RPH3AL: variants seen among roughly 807,000 people sequenced by gnomAD.
The protein encoded by RPH3AL is rabphilin 3A like (without C2 domains), also known as rab effector Noc2.
RPH3AL carries 38 observed loss-of-function variants against 43.1 expected under a neutral mutation model. The ratio of observed to expected loss-of-function variants is 0.88; its 90% CI spans 0.68 to 1.15. The LOEUF (loss-of-function observed/expected upper bound fraction) is 1.15. Ranked by LOEUF, RPH3AL falls within the 50% of genes most tolerant of loss-of-function variation. RPH3AL has a pLI of 0.00. For synonymous variants in RPH3AL, 189 were observed against 176.3 expected (o/e 1.07, Z -0.57); for missense variants, 462 against 423.2 (o/e 1.09, Z -0.81).
rs1309506001 is a variant in RPH3AL, at chr17:264,354, G to A, written c.439-17069C>T. On this transcript the variant is annotated intron_variant, in intron 6 of 9. Transcript: ENST00000331302. This position sits in a 1 kb window ranked among gnomAD's most constrained non-coding sequence, Gnocchi z 4.8. ...CCTTCGGAGCCGTGCGCGCTGGATG[G>A]GGACTCAGAATCCGCAGCACGTTGA... is the stretch of plus-strand genomic sequence containing the variant. Among the ~76,000 whole-genome samples the A allele has an allele frequency of 1.2e-4, 10 of 83,102 alleles. No homozygotes were observed. Among genetic ancestry groups the A allele is most frequent in the African/African-American group, 4.6e-4 (10 of 21,602 alleles). The allele number at this position is 83,102 out of a possible 152,430, so 54.5% of individuals were successfully genotyped here.
chr17:315,730 C>T (rs1433405699), intron 5 of RPH3AL, among the ~76,000 whole-genome samples: 3 of 150,432 alleles, frequency 2.0e-5, no homozygotes, highest in Non-Finnish European at 4.4e-5. Context: ...CCTCTATTGA[C>T]CCGTAGTCTC....
intron 5 of RPH3AL, among the ~76,000 whole-genome samples, chr17:316,971 C>A (rs553450826): frequency 6.1e-3 from 806 of 131,312 alleles, no homozygotes; most frequent in Admixed American, 0.01. Context: ...ACACCCACCT[C>A]CATTGACCTG....
chr17:329,178 T>G (rs993553347), intron 2 of RPH3AL, among the ~76,000 whole-genome samples: 2 of 152,070 alleles, frequency 1.3e-5, no homozygotes, highest in African/African-American at 2.4e-5. Flanking sequence ...AAATGAATTA[T>G]AACTCATTCA....
chr17:317,590 G>T (rs1367023376), intron 5 of RPH3AL, among the ~76,000 whole-genome samples: 1 of 152,006 alleles, frequency 6.6e-6, no homozygotes, highest in African/African-American at 2.4e-5. Context: ...AAGGCTGAAG[G>T]AGGAGCCCGC....
Position 289,217 on chromosome 17 carries a change from T to A in RPH3AL, c.352-7363A>T, listed in dbSNP as rs1017236438. On this transcript the variant is annotated intron_variant, in intron 5 of 9. Coordinates refer to ENST00000331302, the MANE Select transcript of RPH3AL (RefSeq NM_006987.4). The surrounding 1 kb of genome is among the most constrained non-coding windows in gnomAD (Gnocchi z 5.2). ...CAGATGAGGGGATCAAGGGAGACGG[T>A]CATGAAAGTGCTCAGCACCATAAAA... Among the ~76,000 whole-genome samples, 3 of 152,034 alleles carry A rather than the reference T, an allele frequency of 2.0e-5. No homozygotes were observed. The highest frequency in any genetic ancestry group is 6.6e-5 in the Admixed American group (1 of 15,264).
chr17:241,098 A>AATAATCATC (rs763128192), intron 7 of RPH3AL, among the ~76,000 whole-genome samples: 18 of 94,400 alleles, frequency 1.9e-4, no homozygotes, highest in South Asian at 3.7e-4. Flanking sequence ...TAATAATAAT[A>AATAATCATC]ATCTTGTTGG....
intron 5 of RPH3AL, among the ~76,000 whole-genome samples, chr17:315,017 A>G (rs2043889764): frequency 1.4e-5 from 2 of 144,964 alleles, no homozygotes; most frequent in African/African-American, 5.5e-5. Flanking sequence ...TCTGTGCTCC[A>G]CCTCCATTGA....
At chr17:301,859 A>G in intron 5 of RPH3AL, among the ~76,000 whole-genome samples, 1 of 152,138 alleles carries the variant, frequency 6.6e-6, no homozygotes, top group Non-Finnish European at 1.5e-5. Flanking sequence ...CATCCCTCTG[A>G]GCGTCAGTGT....
chr17:319,319 G>A (rs147376780), intron 5 of RPH3AL, 101 bp downstream of exon 5: 100 of 1,392,710 alleles, frequency 7.2e-5, no homozygotes, highest in Non-Finnish European at 8.6e-5. Flanking sequence ...CATGCCCAAC[G>A]CAGACATACA....
chr17:261,183 C>T (rs372969749), intron 6 of RPH3AL, among the ~76,000 whole-genome samples: 32 of 152,182 alleles, frequency 2.1e-4, no homozygotes, highest in African/African-American at 7.0e-4. Context: ...ACAGGCTCCT[C>T]GAGGGTGCTG....
At chr17:318,872 T>C (rs2151695711) in intron 5 of RPH3AL, among the ~76,000 whole-genome samples, 1 of 152,348 alleles carries the variant, frequency 6.6e-6, no homozygotes, top group African/African-American at 2.4e-5. Flanking sequence ...ACAGAAAGTG[T>C]AATCCCAGCA....
chr17:229,764 G>T (rs994706723), intron 7 of RPH3AL, among the ~76,000 whole-genome samples: 1 of 152,126 alleles, frequency 6.6e-6, no homozygotes, highest in Non-Finnish European at 1.5e-5. Flanking sequence ...CCGGGCCAGG[G>T]TGCAGGGTTG....
rs1211155217 is a variant in RPH3AL, at chr17:289,492, A to AC, written c.352-7639dup. 2.0e-5 allele frequency among the ~76,000 whole-genome samples: 3 copies of AC among 151,604 alleles called. No homozygotes were observed. The East Asian group carries it at 5.8e-4, about 29-fold the overall frequency. On this transcript the variant is annotated intron_variant, in intron 5 of 9. Transcript: ENST00000331302. This position sits in a 1 kb window ranked among gnomAD's most constrained non-coding sequence, Gnocchi z 5.2. ...CCAAGGCCGCCCAGCAGATCTCTCT[A>AC]CCCCACCGCGCTGTCCTCCAGCTGG...
intron 7 of RPH3AL, among the ~76,000 whole-genome samples, chr17:224,865 C>T (rs1027530438): frequency 6.8e-6 from 1 of 146,966 alleles, no homozygotes; most frequent in African/African-American, 2.5e-5. Context: ...ATCGCAAAGA[C>T]AAAAAACCAA....
chr17:298,883 C>T (rs1007368215), intron 5 of RPH3AL, among the ~76,000 whole-genome samples: 2 of 152,058 alleles, frequency 1.3e-5, no homozygotes, highest in African/African-American at 4.8e-5. Flanking sequence ...AGGAGGGGGA[C>T]GGCAGGTCGG....
intron 6 of RPH3AL, among the ~76,000 whole-genome samples, chr17:280,586 T>C (rs1013920520): frequency 6.6e-6 from 1 of 152,128 alleles, no homozygotes; most frequent in Non-Finnish European, 1.5e-5. Flanking sequence ...AACGGACTAT[T>C]ATCACACAGG....
At chr17:216,867 GA>G (rs1180855889) in intron 8 of RPH3AL, among the ~76,000 whole-genome samples, 1 of 152,182 alleles carries the variant, frequency 6.6e-6, no homozygotes, top group Non-Finnish European at 1.5e-5. Context: ...GGTCACAGGA[GA>G]GGGGGGTGGT....
rs192757352 is a variant in RPH3AL, at chr17:258,400, G to T, written c.439-11115C>A. The stretch of plus-strand genomic sequence containing the variant: ...TGCCACCTTCCCGGGGAAGAAGCCT[G>T]GGTGTTTCACTCAAGTTCCTGTAAT... On this transcript the variant is annotated intron_variant, in intron 6 of 9. Coordinates refer to ENST00000331302, the MANE Select transcript of RPH3AL (RefSeq NM_006987.4). Among the ~76,000 whole-genome samples the T allele has an allele frequency of 1.7e-3, 256 of 152,298 alleles. No homozygotes were observed. The South Asian group carries it at 0.02, about 12-fold the overall frequency.
intron 1 of RPH3AL, among the ~76,000 whole-genome samples, chr17:347,913 C>T (rs1426571328): frequency 6.6e-6 from 1 of 151,806 alleles, no homozygotes; most frequent in Non-Finnish European, 1.5e-5. Flanking sequence ...TGCCTGTAAT[C>T]CCAGCATTTT....
Sources: allele counts gnomAD v4.1 joint callset (sites outside exome capture counted in the v4.1 genomes callset), GRCh38; gene constraint gnomAD v4.1.1; non-coding constraint Gnocchi (gnomAD v3.1); transcripts MANE v1.5; gene names NCBI Gene and HGNC (gene_info 2026-07-23, HGNC 2026-07-21).